The following FAM153A variants were observed in gnomAD, a reference collection of about 807,000 sequenced individuals.
FAM153A encodes the protein family with sequence similarity 153 member A.
Under a neutral mutation model 48.1 loss-of-function variants are expected in FAM153A, and 12 were observed. The ratio of observed to expected loss-of-function variants is 0.25; its 90% CI spans 0.16 to 0.40. FAM153A has a LOEUF of 0.40. FAM153A is among the 10% of genes least tolerant of loss of function. The probability of loss-of-function intolerance (pLI) is 1.00; values close to 1 mark genes in which losing one functional copy is unlikely to be tolerated. For missense variants in FAM153A, 111 were observed against 345.8 expected, an observed-to-expected ratio of 0.32 and a Z score of 5.38; for synonymous variants, 36 against 118.2, an observed-to-expected ratio of 0.30 and a Z score of 4.51.
downstream of FAM153A, chr5:177,706,699 C>G (rs988320868): frequency 6.6e-5 from 10 of 151,810 alleles, no homozygotes; most frequent in Admixed American, 5.2e-4. Context: ...TTATGTTTCC[C>G]TCCTAGACTT....
At chr5:177,746,755 C>T (rs1235685207) in intron 4 of FAM153A, among the ~76,000 whole-genome samples, 1 of 151,620 alleles carries the variant, frequency 6.6e-6, no homozygotes, top group East Asian at 1.9e-4. Flanking sequence ...GGCGCTGACC[C>T]TCTGTTACCC....
upstream of FAM153A, among the ~76,000 whole-genome samples, chr5:177,755,005 G>C (rs911441202): frequency 2.9e-4 from 44 of 151,934 alleles, no homozygotes; most frequent in African/African-American, 1.1e-3. Flanking sequence ...TTGACGAGTA[G>C]AGAAGAAGGA....
chr5:177,734,059 C>T (rs1230398940), intron 14 of FAM153A, among the ~76,000 whole-genome samples: 2 of 117,024 alleles, frequency 1.7e-5, no homozygotes, highest in African/African-American at 5.7e-5. Context: ...CTAGAAAATC[C>T]GGGGATATGT....
intron 1 of FAM153A, among the ~76,000 whole-genome samples, chr5:177,759,490 C>T (rs1768092582): frequency 2.6e-5 from 4 of 151,750 alleles, no homozygotes; most frequent in Admixed American, 2.6e-4. Flanking sequence ...GATTATAAAT[C>T]ATGCTGCTAT....
chr5:177,709,611 TCGGCCTCCCAAAGTGCTGGGATTA>T (rs1339605967), downstream of FAM153A, among the ~76,000 whole-genome samples: 1 of 148,504 alleles, frequency 6.7e-6, no homozygotes, highest in Non-Finnish European at 1.5e-5. Context: ...TTCACCCGCC[TCGGCCTCCCAAAGTGCTGGGATTA>T]CAGGCGTCAG....
chr5:177,739,158 A>G, intron 9 of FAM153A, 21 bp from the exon 12 acceptor site: 17 of 1,612,256 alleles, frequency 1.1e-5, no homozygotes, highest in Non-Finnish European at 1.4e-5. Flanking sequence ...AGAAAGAAAA[A>G]CACCATGAGG....
rs1194343054 is a variant in FAM153A, at chr5:177,766,255, CTCTT to C, written c.-57+14190_-57+14193del. ...CTATATATAAAAAAACTATCCTAAT[CTCTT>C]TGAGTCTCACGTTCTCTATCTAGAG... is the stretch of plus-strand genomic sequence containing the variant. On this transcript the variant is annotated intron_variant, in intron 1 of 8. Coordinates refer to the FAM153A transcript ENST00000393518. Among the ~76,000 whole-genome samples, 12 of 103,550 alleles carry C rather than the reference CTCTT, an allele frequency of 1.2e-4. 4 individuals carry two copies. The highest frequency in any genetic ancestry group is 3.9e-4 in the African/African-American group (12 of 30,934). The allele number at this position is 103,550 out of a possible 152,430, so 67.9% of individuals were successfully genotyped here.
chr5:177,745,842 T>A (rs1369416335), intron 4 of FAM153A, among the ~76,000 whole-genome samples: 1 of 151,878 alleles, frequency 6.6e-6, no homozygotes, highest in Non-Finnish European at 1.5e-5. Context: ...ACCAAAAGCC[T>A]GAGGACTCTG....
chr5:177,695,487 T>G, the FAM153A span, among the ~76,000 whole-genome samples: 1 of 152,212 alleles, frequency 6.6e-6, no homozygotes, highest in Non-Finnish European at 1.5e-5. Flanking sequence ...CCTTCAGGCA[T>G]CTGTTTAACA....
chr5:177,698,470 T>G, the FAM153A span, among the ~76,000 whole-genome samples: 60 of 151,998 alleles, frequency 3.9e-4, 1 homozygote, highest in African/African-American at 1.3e-3. Context: ...TTCTCCAGAT[T>G]CAGTGATGGC....
chr5:177,700,748 G>A, the FAM153A span, among the ~76,000 whole-genome samples: 1 of 151,842 alleles, frequency 6.6e-6, no homozygotes, highest in African/African-American at 2.4e-5. Context: ...GTTACAGTGA[G>A]CCAAGATCAC....
In FAM153A at chr5:177,759,815, G is replaced by T. The variant is rs77842467; in HGVS notation, c.-56-11116C>A. Among the ~76,000 whole-genome samples the T allele has an allele frequency of 1.3e-4, 19 of 150,152 alleles. 1 individual carries two copies. The highest frequency in any genetic ancestry group is 1.2e-3 in the East Asian group (6 of 5,140). On this transcript the variant is annotated intron_variant, in intron 1 of 8. Coordinates refer to the FAM153A transcript ENST00000393518. ...AGCATCACACACCGGGGCCTGTTGT[G>T]GGGGGGAGGGATAGCATTAGGAGAT...
chr5:177,725,727 C>T (rs1265665182), intron 18 of FAM153A, among the ~76,000 whole-genome samples: 1 of 151,730 alleles, frequency 6.6e-6, no homozygotes, highest in Non-Finnish European at 1.5e-5. Context: ...ACTACTGTGC[C>T]AGCTGCCCAG....
At chr5:177,696,945 T>C in the FAM153A span, among the ~76,000 whole-genome samples, 1 of 151,926 alleles carries the variant, frequency 6.6e-6, no homozygotes, top group Non-Finnish European at 1.5e-5. Context: ...TATTTTCATA[T>C]CAATTTTAGG....
chr5:177,724,059 G>T, exon 21 of FAM153A: 1 of 1,609,650 alleles, frequency 6.2e-7, no homozygotes, highest in East Asian at 2.2e-5. Flanking sequence ...TGGAGTGGGT[G>T]TCTGTTTCCT....
intron 18 of FAM153A, among the ~76,000 whole-genome samples, chr5:177,728,585 T>G (rs1763120270): frequency 6.7e-6 from 1 of 149,916 alleles, no homozygotes; most frequent in South Asian, 2.1e-4. Flanking sequence ...GTTTTTTTTT[T>G]TGAGACGGAG....
upstream of FAM153A, chr5:177,782,729 C>T (rs1273478209): frequency 3.2e-5 from 3 of 92,488 alleles, no homozygotes; most frequent in Middle Eastern, 5.5e-3. Context: ...GATCCAAATC[C>T]CAATCCGCGA....
chr5:177,711,282 A>T (rs1057258554), exon 27 of FAM153A: 2 of 151,928 alleles, frequency 1.3e-5, no homozygotes, highest in Non-Finnish European at 2.9e-5. Context: ...AATGTTAATA[A>T]TAACCACCAC....
upstream of FAM153A, among the ~76,000 whole-genome samples, chr5:177,756,341 C>T (rs1304970910): frequency 4.0e-5 from 6 of 148,174 alleles, no homozygotes; most frequent in Middle Eastern, 3.4e-3. Context: ...TAAAGCAAGT[C>T]CTTAGAGACC....
Sources: allele counts gnomAD v4.1 joint callset (sites outside exome capture counted in the v4.1 genomes callset), GRCh38; gene constraint gnomAD v4.1.1; transcripts MANE v1.5; gene names NCBI Gene and HGNC (gene_info 2026-07-23, HGNC 2026-07-21).